Variants in CALD1 observed in about 807,000 individuals in gnomAD.
CALD1 encodes the protein caldesmon 1, also known as caldesmon.
In CALD1, 33 loss-of-function variants were observed where a neutral mutation model predicts 99.9. The ratio of observed to expected loss-of-function variants is 0.33; its 90% CI spans 0.25 to 0.44. The LOEUF (loss-of-function observed/expected upper bound fraction) is 0.44. Among genes scored for constraint, CALD1 ranks in the 20% least tolerant of loss-of-function variants. The probability of loss-of-function intolerance (pLI) is 1.00; values close to 1 mark genes in which losing one functional copy is unlikely to be tolerated. For missense variants in CALD1, 861 were observed against 962.1 expected (o/e 0.89, Z 1.39); for synonymous variants, 310 against 325.0 (o/e 0.95, Z 0.50).
intron 11 of CALD1, among the ~76,000 whole-genome samples, chr7:134,958,783 A>G (rs1344140964): frequency 1.3e-4 from 20 of 151,130 alleles, no homozygotes; most frequent in Admixed American, 1.3e-3. Context: ...AAATTTTAGG[A>G]GAGTTTTAAA....
At chr7:134,962,172 C>T (rs1368154951) in intron 13 of CALD1, 1 of 151,950 alleles carries the variant, frequency 6.6e-6, no homozygotes, top group East Asian at 1.9e-4. Flanking sequence ...AAATTTGATC[C>T]AGAACTTGGC....
At chr7:134,805,583 T>C (rs1563013841) in intron 1 of CALD1, among the ~76,000 whole-genome samples, 2 of 152,294 alleles carry the variant, frequency 1.3e-5, no homozygotes, top group East Asian at 3.9e-4. Context: ...CTAGTCTCTG[T>C]CTTTCATTCT....
At chr7:134,740,319 G>A (rs143968816), upstream of CALD1, among the ~76,000 whole-genome samples, 614 of 152,258 alleles carry the variant, frequency 4.0e-3, 3 homozygotes, top group African/African-American at 0.014. Flanking sequence ...AGACATAAGA[G>A]AGTTGACAGA....
intron 1 of CALD1, among the ~76,000 whole-genome samples, chr7:134,822,802 T>C (rs373179568): frequency 2.0e-5 from 3 of 152,362 alleles, no homozygotes; most frequent in African/African-American, 7.2e-5. Flanking sequence ...CATTTTTCTA[T>C]TATATTTCTA....
upstream of CALD1, among the ~76,000 whole-genome samples, chr7:134,740,652 T>C (rs1387361128): frequency 6.6e-6 from 1 of 152,204 alleles, no homozygotes; most frequent in Non-Finnish European, 1.5e-5. Flanking sequence ...AAATTCTGTG[T>C]ACATTGGAAC....
At position 134,785,189 on chromosome 7, in the gene CALD1, A is replaced by G. The variant is rs534804885; in HGVS notation, c.-130+5440A>G. Among the ~76,000 whole-genome samples, 8 of 152,344 alleles carry G rather than the reference A, an allele frequency of 5.3e-5. No homozygotes were observed. The East Asian group carries it at 9.6e-4, about 18-fold the overall frequency. On this transcript the variant is annotated intron_variant, in intron 1 of 14. Coordinates refer to ENST00000361675, the MANE Select transcript of CALD1 (RefSeq NM_033138.4). ...AAACTCCTAGAGAGGCAAACACCCA[A>G]TGAATGATCACACAGTTCTTGATGA...
At chr7:134,826,561 T>C (rs1474056814) in intron 1 of CALD1, among the ~76,000 whole-genome samples, 1 of 152,220 alleles carries the variant, frequency 6.6e-6, no homozygotes, top group Non-Finnish European at 1.5e-5. Context: ...AGTGTCACCA[T>C]GACTTAAAAT....
chr7:134,910,886 G>A (rs1229395771), intron 3 of CALD1, among the ~76,000 whole-genome samples: 1 of 152,206 alleles, frequency 6.6e-6, no homozygotes, highest in Non-Finnish European at 1.5e-5. Context: ...TCCAGAGAAA[G>A]TAACATGGGA....
At chr7:134,965,859 AAAGT>A (rs1372781245) in intron 14 of CALD1, among the ~76,000 whole-genome samples, 4 of 152,136 alleles carry the variant, frequency 2.6e-5, no homozygotes, top group African/African-American at 9.7e-5. Context: ...AAAATATTCA[AAAGT>A]AAGGCAACCA....
upstream of CALD1, chr7:134,779,444 T>C: frequency 2.6e-6 from 1 of 380,244 alleles, no homozygotes; most frequent in Admixed American, 4.5e-5. Flanking sequence ...GCCTAGGGAA[T>C]GACAGGCATC....
chr7:134,827,477 T>G (rs906831546), intron 1 of CALD1, among the ~76,000 whole-genome samples: 4 of 152,318 alleles, frequency 2.6e-5, no homozygotes, highest in African/African-American at 7.2e-5. Flanking sequence ...ACAACAACCA[T>G]GCAAGGTAGG....
rs540209598 is a variant in CALD1 at position 134,896,039 on chromosome 7, G to T, written c.71+28235G>T. On this transcript the variant is annotated intron_variant, in intron 3 of 14. Coordinates refer to ENST00000361675, the MANE Select transcript of CALD1 (RefSeq NM_033138.4). ...TTACCTGTTTCTAACCATCCTTCCC[G>T]CCAAACTACTCACCCTGCCACTCTG... 2.0e-5 allele frequency among the ~76,000 whole-genome samples: 3 copies of T among 151,944 alleles called. 1 individual carries two copies. The highest frequency in any genetic ancestry group is 2.0e-4 in the Admixed American group (3 of 15,236).
intron 1 of CALD1, among the ~76,000 whole-genome samples, chr7:134,826,280 G>A (rs114441371): frequency 1.5e-3 from 227 of 152,124 alleles, no homozygotes; most frequent in African/African-American, 5.3e-3. Flanking sequence ...ACTCACCCAC[G>A]AGCACAGCTG....
In CALD1 at chr7:134,952,160, G is replaced by A. The variant is rs538287824; in HGVS notation, c.1935+1646G>A. Among the ~76,000 whole-genome samples the A allele has an allele frequency of 5.3e-5, 8 of 152,100 alleles. No homozygotes were observed. In the East Asian group the frequency reaches 1.6e-3, roughly 30 times the overall value. ...TACTAAAAATACAAAAATTAGCCAG[G>A]TGTGATGGCGCACACCTGTAATCCC... On this transcript the variant is annotated intron_variant, in intron 9 of 14. Transcript: ENST00000361675.
chr7:134,863,271 A>C (rs1410497085), intron 2 of CALD1, among the ~76,000 whole-genome samples: 1 of 152,174 alleles, frequency 6.6e-6, no homozygotes, highest in African/African-American at 2.4e-5. Context: ...AAAAATGTTA[A>C]AGGCTTAAAA....
intron 3 of CALD1, among the ~76,000 whole-genome samples, chr7:134,874,787 T>A (rs1361592216): frequency 6.6e-6 from 1 of 152,212 alleles, no homozygotes; most frequent in Non-Finnish European, 1.5e-5. Context: ...GATTAGACAT[T>A]TGAAAGTAAA....
At chr7:134,813,386 G>C (rs1344235113) in intron 1 of CALD1, among the ~76,000 whole-genome samples, 1 of 152,162 alleles carries the variant, frequency 6.6e-6, no homozygotes, top group Non-Finnish European at 1.5e-5. Context: ...GAATAATCTA[G>C]TAGAAAGAGA....
chr7:134,918,722 C>A (rs959230152), intron 3 of CALD1, among the ~76,000 whole-genome samples: 1 of 152,112 alleles, frequency 6.6e-6, no homozygotes, highest in Non-Finnish European at 1.5e-5. Flanking sequence ...CATGGCTAGG[C>A]GTAGTGGCTC....
intron 2 of CALD1, among the ~76,000 whole-genome samples, chr7:134,863,025 TCA>T (rs1353898278): frequency 6.6e-6 from 1 of 152,150 alleles, no homozygotes; most frequent in Non-Finnish European, 1.5e-5. Flanking sequence ...CACCATGTCT[TCA>T]CATTATCTCC....
Sources: gnomAD v4.1 joint callset for allele counts (sites outside exome capture counted in the v4.1 genomes callset) on GRCh38, gnomAD v4.1.1 for gene constraint, MANE v1.5 for transcripts, NCBI Gene and HGNC (gene_info 2026-07-23, HGNC 2026-07-21) for gene names.